MCC: variants seen among roughly 807,000 people sequenced by gnomAD.
MCC encodes the protein colorectal mutant cancer protein.
In MCC, 90 loss-of-function variants were observed where a neutral mutation model predicts 116.2. The ratio of observed to expected loss-of-function variants is 0.77; its 90% CI spans 0.65 to 0.92. The LOEUF (loss-of-function observed/expected upper bound fraction) is 0.92. MCC is among the 40% of genes least tolerant of loss of function. MCC has a pLI of 0.00. For missense variants in MCC, 1,516 were observed against 1,312.2 expected (o/e 1.16, Z -2.40); for synonymous variants, 578 against 510.5 (o/e 1.13, Z -1.78).
At chr5:113,443,531 T>C (rs1280873053) in intron 1 of MCC, among the ~76,000 whole-genome samples, 4 of 152,196 alleles carry the variant, frequency 2.6e-5, no homozygotes, top group Non-Finnish European at 5.9e-5. Context: ...TCCAACACTA[T>C]GTGGAACAGG....
At chr5:113,226,245 T>G (rs918919648) in intron 3 of MCC, among the ~76,000 whole-genome samples, 1 of 152,252 alleles carries the variant, frequency 6.6e-6, no homozygotes. Flanking sequence ...GAAAAAAAGT[T>G]TTATTGGGAT....
At chr5:113,322,588 G>A (rs1767446086) in intron 3 of MCC, among the ~76,000 whole-genome samples, 1 of 151,882 alleles carries the variant, frequency 6.6e-6, no homozygotes. Context: ...AACTTTCTTG[G>A]GTAAAGTCAA....
intron 2 of MCC, among the ~76,000 whole-genome samples, chr5:113,382,851 A>C (rs1376408478): frequency 1.3e-5 from 2 of 152,164 alleles, no homozygotes; most frequent in Non-Finnish European, 2.9e-5. Flanking sequence ...TTCTCACTCA[A>C]ATAGTCTGAC....
chr5:113,160,396 C>T (rs1760417633), intron 3 of MCC, among the ~76,000 whole-genome samples: 1 of 152,212 alleles, frequency 6.6e-6, no homozygotes, highest in Admixed American at 6.5e-5. Context: ...TTGCTATGTG[C>T]TAGATTGCTA....
intron 1 of MCC, among the ~76,000 whole-genome samples, chr5:113,452,708 C>T (rs3843500): frequency 0.032 from 4,913 of 152,262 alleles, 110 homozygotes; most frequent in East Asian, 0.078. Flanking sequence ...ACCAGAAGGG[C>T]ATAGTTGGAA....
intron 17 of MCC, among the ~76,000 whole-genome samples, chr5:113,030,957 A>C (rs1470197629): frequency 6.6e-6 from 1 of 152,192 alleles, no homozygotes; most frequent in Non-Finnish European, 1.5e-5. Context: ...AGTTAGAGTC[A>C]TGTAGGAACG....
intron 11 of MCC, among the ~76,000 whole-genome samples, chr5:113,073,517 C>A (rs775458570): frequency 1.3e-4 from 20 of 152,218 alleles, no homozygotes; most frequent in Non-Finnish European, 2.6e-4. Context: ...CACAGCTGAG[C>A]CAGCCCCTGC....
chr5:113,099,821 AGAG>A (rs897794584), intron 8 of MCC, among the ~76,000 whole-genome samples: 1 of 152,254 alleles, frequency 6.6e-6, no homozygotes, highest in Admixed American at 6.5e-5. Flanking sequence ...CTGGCAAGTG[AGAG>A]AAGAAAATTC....
chr5:113,364,395 G>A (rs1402411437), intron 2 of MCC, among the ~76,000 whole-genome samples: 1 of 152,176 alleles, frequency 6.6e-6, no homozygotes, highest in Non-Finnish European at 1.5e-5. Flanking sequence ...AATGCAAGTG[G>A]TGGGCTCCCA....
chr5:113,096,255 C>T (rs553885521), intron 8 of MCC, among the ~76,000 whole-genome samples: 1 of 152,326 alleles, frequency 6.6e-6, no homozygotes, highest in African/African-American at 2.4e-5. Flanking sequence ...AAGCTCTTGG[C>T]CCATGTCCAG....
intron 3 of MCC, among the ~76,000 whole-genome samples, chr5:113,174,147 G>A (rs77539597): frequency 0.022 from 3,353 of 152,300 alleles, 132 homozygotes; most frequent in African/African-American, 0.076. Flanking sequence ...TAGACCCAAT[G>A]CTAAGAGAGA....
chr5:113,109,207 T>C (rs2150260131), intron 6 of MCC, among the ~76,000 whole-genome samples: 1 of 152,270 alleles, frequency 6.6e-6, no homozygotes, highest in Middle Eastern at 3.4e-3. Flanking sequence ...ACTCAAATAA[T>C]TGTACCCCGA....
intron 3 of MCC, among the ~76,000 whole-genome samples, chr5:113,194,656 TC>T (rs1168719010): frequency 6.7e-6 from 1 of 150,292 alleles, no homozygotes; most frequent in Non-Finnish European, 1.5e-5. Context: ...AGACCCTGCC[TC>T]AAAAAAGAAA....
At chr5:113,481,189 T>C (rs1772368917) in intron 1 of MCC, among the ~76,000 whole-genome samples, 1 of 152,228 alleles carries the variant, frequency 6.6e-6, no homozygotes, top group Admixed American at 6.5e-5. Flanking sequence ...CCTTTTTATA[T>C]ATGTACAAGA....
chr5:113,345,476 C>T (rs755169490), intron 2 of MCC, among the ~76,000 whole-genome samples: 13 of 152,224 alleles, frequency 8.5e-5, no homozygotes, highest in Non-Finnish European at 1.8e-4. Context: ...GCTGTGCAGA[C>T]TTCAGGTCCG....
chr5:113,449,621 T>C (rs931556088), intron 1 of MCC, among the ~76,000 whole-genome samples: 6 of 152,164 alleles, frequency 3.9e-5, no homozygotes, highest in Admixed American at 1.3e-4. Context: ...TACTTCTTTT[T>C]TGAGGGAAGT....
At chr5:113,155,794 C>T (rs1213804004) in intron 3 of MCC, among the ~76,000 whole-genome samples, 1 of 152,150 alleles carries the variant, frequency 6.6e-6, no homozygotes, top group Admixed American at 6.5e-5. Flanking sequence ...TTCCTCAACA[C>T]ATATTTCTCT....
chr5:113,454,398 C>A (rs1186910210), intron 1 of MCC, among the ~76,000 whole-genome samples: 1 of 152,162 alleles, frequency 6.6e-6, no homozygotes, highest in Non-Finnish European at 1.5e-5. Flanking sequence ...AGCCATGGTG[C>A]CTGGCCTGTG....
In MCC at chr5:113,272,460, AT is replaced by A. The variant is rs1323345044; in HGVS notation, c.627+68058del. Among the ~76,000 whole-genome samples, 4 of 152,374 alleles carry A rather than the reference AT, an allele frequency of 2.6e-5. No homozygotes were observed. The East Asian group carries it at 5.8e-4, about 22-fold the overall frequency. On this transcript the variant is annotated intron_variant, in intron 3 of 18. Transcript: ENST00000408903. The stretch of plus-strand genomic sequence containing the variant: ...TTCCCTGACAGATCTAAATAAAAAA[AT>A]AAGCAATTTAATTTCCTTCTTCAAT...
Sources: allele counts gnomAD v4.1 joint callset (sites outside exome capture counted in the v4.1 genomes callset), GRCh38; gene constraint gnomAD v4.1.1; transcripts MANE v1.5; gene names NCBI Gene and HGNC (gene_info 2026-07-23, HGNC 2026-07-21).